HIPK3: variants seen among roughly 807,000 people sequenced by gnomAD.
The protein encoded by HIPK3 is homeodomain-interacting protein kinase 3.
A neutral mutation model predicts 124.2 loss-of-function variants in HIPK3; 47 were observed. The observed-to-expected ratio is 0.38, with a 90% CI of 0.30 to 0.48. The LOEUF is 0.48. Ranked by LOEUF, HIPK3 falls within the 20% of genes least tolerant of loss-of-function variation. HIPK3 has a pLI of 0.98. For missense variants in HIPK3, 1,286 were observed against 1,454.3 expected (o/e 0.88, Z 1.88); for synonymous variants, 482 against 515.2 (o/e 0.94, Z 0.87).
intron 2 of HIPK3, among the ~76,000 whole-genome samples, chr11:33,312,238 T>C (rs1482031198): frequency 5.9e-5 from 9 of 152,244 alleles, no homozygotes; most frequent in Admixed American, 5.9e-4. Context: ...TTAGACAATA[T>C]AATTCAGTAT....
intron 1 of HIPK3, among the ~76,000 whole-genome samples, chr11:33,259,647 TA>T (rs1850771843): frequency 6.6e-6 from 1 of 152,188 alleles, no homozygotes; most frequent in Admixed American, 6.5e-5. Context: ...CTATAATGCT[TA>T]ACCTGTTTGA....
Position 33,354,808 on chromosome 11 carries a change from T to A in HIPK3, c.*1240T>A, listed in dbSNP as rs974095524. The A allele has an allele frequency of 1.3e-5, 2 of 152,166 alleles. No individual in the cohort carries two copies. The highest frequency in any genetic ancestry group is 2.9e-5 in the Non-Finnish European group (2 of 67,940). The allele number at this position is 152,166 out of a possible 1,614,324, so 9.4% of individuals were successfully genotyped here. A position where few individuals can be genotyped will look rare whatever the true frequency, so the allele number is the denominator to read the frequency against. ...GGGACAGAAATTACATGCTTTTTTT[T>A]CTTTCTAGGAAGTGTGTTGAGTTCC... On this transcript the variant is annotated 3_prime_UTR_variant, in exon 17 of 17. Transcript: ENST00000303296.
intron 2 of HIPK3, among the ~76,000 whole-genome samples, chr11:33,317,796 C>T (rs1852549607): frequency 6.6e-6 from 1 of 152,112 alleles, no homozygotes; most frequent in Non-Finnish European, 1.5e-5. Flanking sequence ...AGGGGTTTAA[C>T]TTGTAAGAAT....
Position 33,353,284 on chromosome 11 carries a change from C to A in HIPK3, c.3364C>A (p.Pro1122Thr). 1 of 1,614,166 alleles carries A rather than the reference C, an allele frequency of 6.2e-7. No homozygotes were observed. The highest frequency in any genetic ancestry group is 8.5e-7 in the Non-Finnish European group (1 of 1,180,024). Reference protein sequence around the residue: ...LGGQPTLLPYPSSATLSSAAP... With the variant: ...LGGQPTLLPYTSSATLSSAAP... ...AGGACAGCCTACTCTACTTCCATAC[C>A]CATCATCAGCCACCCTCAGTAGTGC... is the stretch of plus-strand genomic sequence containing the variant. Residue 1122 changes from proline to threonine, a missense_variant, in exon 17 of 17, where the codon CCA becomes ACA. Around this residue, in one of 3 missense-constraint regions of HIPK3, gnomAD observed 810 missense variants for 864.9 expected, o/e 0.94. Coordinates refer to ENST00000303296, the MANE Select transcript of HIPK3 (RefSeq NM_005734.5).
intron 1 of HIPK3, 50 bp from the exon 2 acceptor site, chr11:33,286,363 T>C: frequency 7.2e-7 from 1 of 1,387,366 alleles, no homozygotes; most frequent in East Asian, 2.6e-5. Flanking sequence ...TTGACATTAA[T>C]ATTTCTTCTT....
At chr11:33,304,633 A>C (rs1324654296) in intron 2 of HIPK3, among the ~76,000 whole-genome samples, 1 of 152,168 alleles carries the variant, frequency 6.6e-6, no homozygotes, top group African/African-American at 2.4e-5. Flanking sequence ...AGTAGGGACA[A>C]TTTCTCCTTT....
chr11:33,277,772 C>T (rs896382885), intron 1 of HIPK3, among the ~76,000 whole-genome samples: 2 of 152,126 alleles, frequency 1.3e-5, no homozygotes, highest in African/African-American at 4.8e-5. Flanking sequence ...TACTTCTTAC[C>T]CTTGTATAAC....
rs1022029925 is a variant in HIPK3 at position 33,355,891 on chromosome 11, G to T, written c.*2323G>T. The T allele has an allele frequency of 6.6e-6, 1 of 151,846 alleles. No individual in the cohort carries two copies. The highest frequency in any genetic ancestry group is 1.5e-5 in the Non-Finnish European group (1 of 67,850). 9.4% of individuals were successfully genotyped at this position (151,846 alleles called of 1,614,324 possible). A position where few individuals can be genotyped will look rare whatever the true frequency, so the allele number is the denominator to read the frequency against. Reference sequence around the variant, plus strand: ...GGAGTAGCCTAAGATTAATTTAAAAGATTATTTACAGATGACACATTTATG... The same window carrying T: ...GGAGTAGCCTAAGATTAATTTAAAATATTATTTACAGATGACACATTTATG... On this transcript the variant is annotated 3_prime_UTR_variant, in exon 17 of 17. Transcript: ENST00000303296.
At chr11:33,270,013 C>T (rs1479822477) in intron 1 of HIPK3, among the ~76,000 whole-genome samples, 4 of 151,990 alleles carry the variant, frequency 2.6e-5, no homozygotes, top group Admixed American at 6.6e-5. Flanking sequence ...GTTTCGCTTT[C>T]GTTGCCCAAG....
intron 1 of HIPK3, among the ~76,000 whole-genome samples, chr11:33,277,775 T>A (rs1158010782): frequency 2.0e-5 from 3 of 152,232 alleles, no homozygotes; most frequent in African/African-American, 7.2e-5. Flanking sequence ...TTCTTACCCT[T>A]GTATAACAGT....
intron 1 of HIPK3, among the ~76,000 whole-genome samples, chr11:33,285,097 A>C (rs987335675): frequency 4.6e-5 from 7 of 152,218 alleles, no homozygotes; most frequent in African/African-American, 1.7e-4. Context: ...TTTCATATCT[A>C]TGTTATATCT....
chr11:33,346,110 G>A (rs1853484811), intron 8 of HIPK3, among the ~76,000 whole-genome samples: 1 of 152,140 alleles, frequency 6.6e-6, no homozygotes, highest in South Asian at 2.1e-4. Context: ...CTTCGGGGAT[G>A]TCCCTAAAAT....
At chr11:33,304,940 A>G (rs577345346) in intron 2 of HIPK3, among the ~76,000 whole-genome samples, 1 of 152,330 alleles carries the variant, frequency 6.6e-6, no homozygotes, top group East Asian at 1.9e-4. Context: ...CATTCTTATC[A>G]TGACAAGGAT....
intron 2 of HIPK3, among the ~76,000 whole-genome samples, chr11:33,309,617 T>C (rs1160185932): frequency 6.6e-6 from 1 of 152,218 alleles, no homozygotes; most frequent in African/African-American, 2.4e-5. Context: ...TCTTGAAGGA[T>C]TGGCTCTTTT....
intron 2 of HIPK3, 87 bp from the exon 3 acceptor site, chr11:33,328,423 A>ATT (rs776855381): frequency 1.1e-4 from 148 of 1,353,416 alleles, no homozygotes; most frequent in Non-Finnish European, 1.5e-4. Context: ...TACCTCTGTC[A>ATT]TTTTACCAAC....
intron 2 of HIPK3, among the ~76,000 whole-genome samples, chr11:33,314,805 T>A (rs752527203): frequency 1.2e-4 from 19 of 152,242 alleles, no homozygotes; most frequent in Non-Finnish European, 2.5e-4. Flanking sequence ...AGCCTAAATA[T>A]ACCTAATAGA....
intron 3 of HIPK3, among the ~76,000 whole-genome samples, chr11:33,333,058 A>G (rs781363206): frequency 1.2e-4 from 18 of 152,158 alleles, no homozygotes; most frequent in Non-Finnish European, 2.4e-4. Flanking sequence ...TTCATGAGGT[A>G]TCGGCCCCTA....
intron 3 of HIPK3, among the ~76,000 whole-genome samples, chr11:33,330,477 C>T (rs1337339316): frequency 6.6e-6 from 1 of 152,078 alleles, no homozygotes; most frequent in East Asian, 1.9e-4. Flanking sequence ...TACAGGCACA[C>T]ACCACCATGC....
chr11:33,267,149 G>A (rs1436866756), intron 1 of HIPK3, among the ~76,000 whole-genome samples: 1 of 151,912 alleles, frequency 6.6e-6, no homozygotes, highest in East Asian at 1.9e-4. Flanking sequence ...TTGAGACGGG[G>A]TCTTGCTCTG....
Sources: allele counts gnomAD v4.1 joint callset (sites outside exome capture counted in the v4.1 genomes callset), GRCh38; gene constraint gnomAD v4.1.1; regional missense constraint gnomAD v4.1.1; transcripts MANE v1.5; gene names NCBI Gene and HGNC (gene_info 2026-07-23, HGNC 2026-07-21).